Variants in EVC2 observed in about 807,000 individuals in gnomAD.
The protein encoded by EVC2 is limbin.
EVC2 carries 148 observed loss-of-function variants against 149.3 expected under a neutral mutation model. That is an observed-to-expected ratio of 0.99 (90% confidence interval 0.87 to 1.14). The LOEUF (loss-of-function observed/expected upper bound fraction) is 1.14, where lower values mean the gene tolerates loss of function less well. Among genes scored for constraint, EVC2 ranks in the 50% most tolerant of loss-of-function variants. EVC2 has a pLI of 0.00. For missense variants in EVC2, 1,854 were observed against 1,627.3 expected (o/e 1.14, Z -2.40); for synonymous variants, 776 against 649.9 (o/e 1.19, Z -2.95).
At chr4:5,559,144 G>A (rs759844114), downstream of EVC2, among the ~76,000 whole-genome samples, 3 of 152,128 alleles carry the variant, frequency 2.0e-5, no homozygotes, top group Non-Finnish European at 4.4e-5. This position sits in a 1 kb window ranked among gnomAD's most constrained non-coding sequence, Gnocchi z 5.0. Flanking sequence ...GGAAAGTCAA[G>A]GCTGCAGTAA....
At chr4:5,693,816 C>T (rs1008696020) in intron 3 of EVC2, among the ~76,000 whole-genome samples, 2 of 152,194 alleles carry the variant, frequency 1.3e-5, no homozygotes, top group African/African-American at 2.4e-5. Flanking sequence ...AGCAAGAGCA[C>T]GGAGCTCTGC....
At chr4:5,598,715 A>T (rs1243061195) in intron 16 of EVC2, among the ~76,000 whole-genome samples, 2 of 152,214 alleles carry the variant, frequency 1.3e-5, no homozygotes, top group East Asian at 1.9e-4. Context: ...CAAAATTGAC[A>T]AATGGGATCT....
intron 9 of EVC2, among the ~76,000 whole-genome samples, chr4:5,647,544 CAAGA>C (rs1229467812): frequency 6.6e-6 from 1 of 152,100 alleles, no homozygotes; most frequent in Non-Finnish European, 1.5e-5. Context: ...GGTTACAAAG[CAAGA>C]AAGAAACACA....
intron 21 of EVC2, among the ~76,000 whole-genome samples, chr4:5,555,401 C>T (rs1029251073): frequency 7.9e-5 from 12 of 152,102 alleles, no homozygotes; most frequent in Non-Finnish European, 1.2e-4. Context: ...TGTTGTCTAC[C>T]GGAAACCCAC....
At chr4:5,655,796 A>T (rs1426370676) in intron 9 of EVC2, among the ~76,000 whole-genome samples, 1 of 67,540 alleles carries the variant, frequency 1.5e-5, no homozygotes, top group African/African-American at 5.1e-5. Context: ...GGAGGGAGGG[A>T]GGGAGGGAGG....
chr4:5,635,292 A>T (rs1716823341), intron 10 of EVC2, among the ~76,000 whole-genome samples: 1 of 152,090 alleles, frequency 6.6e-6, no homozygotes, highest in African/African-American at 2.4e-5. Flanking sequence ...CTGTCTCGGC[A>T]TCCCAAAGTG....
At chr4:5,607,173 G>A (rs1378685496) in intron 16 of EVC2, among the ~76,000 whole-genome samples, 1 of 152,118 alleles carries the variant, frequency 6.6e-6, no homozygotes, top group East Asian at 1.9e-4. Context: ...AGAGAGAAAG[G>A]GAGGGCTCAT....
chr4:5,641,447 A>T (rs1717322329), intron 9 of EVC2, among the ~76,000 whole-genome samples: 1 of 152,136 alleles, frequency 6.6e-6, no homozygotes, highest in South Asian at 2.1e-4. Flanking sequence ...TATCTTCTCA[A>T]TTTTTTTGTA....
At chr4:5,685,737 T>G (rs1029802083) in intron 5 of EVC2, among the ~76,000 whole-genome samples, 1 of 152,024 alleles carries the variant, frequency 6.6e-6, no homozygotes, top group Non-Finnish European at 1.5e-5. Context: ...CATTCACGAG[T>G]GGGGGTGCAC....
At chr4:5,531,135 T>C in the EVC2 span, among the ~76,000 whole-genome samples, 2 of 152,092 alleles carry the variant, frequency 1.3e-5, no homozygotes, top group East Asian at 1.9e-4. Flanking sequence ...CCAGGAGCCA[T>C]TGAGGGAGTG....
In EVC2 at chr4:5,637,891, G is replaced by A. The variant is rs13133528; in HGVS notation, c.1470+2623C>T. Among the ~76,000 whole-genome samples, 32,276 of 151,228 alleles carry A rather than the reference G, an allele frequency of 0.21. 4,411 individuals are homozygous for A. The highest frequency in any genetic ancestry group is 0.61 in the East Asian group (3,114 of 5,116). ...TTTCTGTAAGGGGCCATATTTTAGA[G>A]TTTGTCACCTGAGGTCTCTGTTATG... On this transcript the variant is annotated intron_variant, in intron 10 of 21. Coordinates refer to ENST00000344408, the MANE Select transcript of EVC2 (RefSeq NM_147127.5). The surrounding 1 kb of genome is among the most constrained non-coding windows in gnomAD (Gnocchi z 4.4).
intron 20 of EVC2, among the ~76,000 whole-genome samples, chr4:5,566,107 A>T (rs1271716520): frequency 6.6e-6 from 1 of 152,244 alleles, no homozygotes; most frequent in Non-Finnish European, 1.5e-5. Flanking sequence ...ATATACAAAT[A>T]CAGAAGTTGG....
In EVC2 at chr4:5,670,728, C is replaced by T. The variant is rs374566276; in HGVS notation, c.871-5079G>A. The stretch of plus-strand genomic sequence containing the variant: ...TCATCAATATCTCCATCACCATCAT[C>T]TTCACCATCACCATCAACGCCATCA... On this transcript the variant is annotated intron_variant, in intron 7 of 21. Transcript: ENST00000344408. This position sits in a 1 kb window ranked among gnomAD's most constrained non-coding sequence, Gnocchi z 5.2. Among the ~76,000 whole-genome samples the T allele has an allele frequency of 7.2e-5, 11 of 152,184 alleles. No individual in the cohort carries two copies. The highest frequency in any genetic ancestry group is 2.7e-4 in the African/African-American group (11 of 41,492).
chr4:5,609,762 A>T (rs1300012371), intron 16 of EVC2, among the ~76,000 whole-genome samples: 1 of 152,180 alleles, frequency 6.6e-6, no homozygotes, highest in Non-Finnish European at 1.5e-5. Context: ...ACATTCTTTG[A>T]CAGTTCTGAT....
At chr4:5,541,037 A>T (rs574247026), downstream of EVC2, among the ~76,000 whole-genome samples, 10 of 152,292 alleles carry the variant, frequency 6.6e-5, no homozygotes, top group African/African-American at 2.4e-4. Flanking sequence ...ATGAATTTTT[A>T]AATTTTAATT....
chr4:5,597,666 G>T (rs1265016844), intron 16 of EVC2, among the ~76,000 whole-genome samples: 1 of 148,812 alleles, frequency 6.7e-6, no homozygotes, highest in African/African-American at 2.4e-5. Context: ...ACAAGACAGG[G>T]ATGCCCTCTC....
chr4:5,541,831 G>A (rs1447756629), downstream of EVC2, among the ~76,000 whole-genome samples: 5 of 152,136 alleles, frequency 3.3e-5, no homozygotes, highest in Admixed American at 6.5e-5. Context: ...CCTGTTCTAC[G>A]TAATAAGACA....
chr4:5,555,225 G>C (rs1721817968), intron 21 of EVC2, among the ~76,000 whole-genome samples: 1 of 151,860 alleles, frequency 6.6e-6, no homozygotes, highest in Non-Finnish European at 1.5e-5. Flanking sequence ...CCAGAGAAAG[G>C]AGAAAAAGGG....
chr4:5,656,701 C>T (rs1293060701), intron 9 of EVC2, among the ~76,000 whole-genome samples: 2 of 152,156 alleles, frequency 1.3e-5, no homozygotes, highest in African/African-American at 4.8e-5. Context: ...AACAACCCTC[C>T]CAGAGCCTTT....
Sources: gnomAD v4.1 joint callset for allele counts (sites outside exome capture counted in the v4.1 genomes callset) on GRCh38, gnomAD v4.1.1 for gene constraint, Gnocchi (gnomAD v3.1) non-coding constraint, MANE v1.5 for transcripts, NCBI Gene and HGNC (gene_info 2026-07-23, HGNC 2026-07-21) for gene names.